Variants in NEB observed in about 807,000 individuals in gnomAD.
NEB encodes nemaline myopathy type 2.
In NEB, 512 loss-of-function variants were observed where a neutral mutation model predicts 952.2. That is an observed-to-expected ratio of 0.54 (90% CI 0.50 to 0.58). NEB has a LOEUF of 0.58. Among genes scored for constraint, NEB ranks in the 20% least tolerant of loss-of-function variants. The probability of loss-of-function intolerance (pLI) is 0.00; values close to 1 mark genes in which losing one functional copy is unlikely to be tolerated. For missense variants in NEB, 8,428 were observed against 9,231.1 expected, an observed-to-expected ratio of 0.91 and a Z score of 3.56; for synonymous variants, 2,900 against 3,149.8, an observed-to-expected ratio of 0.92 and a Z score of 2.66.
intron 47 of NEB, among the ~76,000 whole-genome samples, chr2:151,658,728 G>A (rs1217367724): frequency 1.3e-5 from 2 of 152,062 alleles, no homozygotes; most frequent in East Asian, 1.9e-4. Flanking sequence ...TTGATGGAAG[G>A]GCTGTCTAAG....
intron 63 of NEB, among the ~76,000 whole-genome samples, chr2:151,637,053 T>TG (rs1004904718): frequency 6.6e-6 from 1 of 152,176 alleles, no homozygotes; most frequent in African/African-American, 2.4e-5. Flanking sequence ...CCTGACCCTG[T>TG]GTCTCTGACT....
intron 39 of NEB, 148 bp downstream of exon 39, chr2:151,668,879 T>C: frequency 1.8e-6 from 1 of 553,166 alleles, no homozygotes; most frequent in Non-Finnish European, 3.1e-6. Flanking sequence ...TGCCGCCCCC[T>C]AGGCTCATGT....
At chr2:151,728,212 AT>A (rs1364710464) in intron 4 of NEB, among the ~76,000 whole-genome samples, 1 of 152,222 alleles carries the variant, frequency 6.6e-6, no homozygotes, top group African/African-American at 2.4e-5. Flanking sequence ...TGGGGGGGAA[AT>A]TGGCAATAAA....
chr2:151,657,135 G>T (rs1270915778), intron 48 of NEB, among the ~76,000 whole-genome samples: 2 of 152,108 alleles, frequency 1.3e-5, no homozygotes, highest in Non-Finnish European at 2.9e-5. Flanking sequence ...GTGCAAGTTG[G>T]GGGTAGAAGC....
At position 151,609,838 on chromosome 2, in the gene NEB, C is replaced by A. The variant is rs1413870559; in HGVS notation, c.12301G>T (p.Ala4101Ser). The change falls in exon 81 of 182, where the codon GCA (alanine) becomes TCA (serine). Residue 4101 changes from alanine (A) to serine (S), a missense_variant. Coordinates refer to ENST00000397345, the MANE Select transcript of NEB (RefSeq NM_001164508.2). ...CMPDQNDIIQ[A>S]KKAYDLQSDS... is the part of the protein sequence containing the mutation. ...CTCTGCAGGTCATAGGCCTTTTTTG[C>A]TTGGATAATGTCGTTTTGATCCGGC... 4 of 1,590,536 alleles carry A rather than the reference C, an allele frequency of 2.5e-6. No individual in the cohort carries two copies. Among genetic ancestry groups the A allele is most frequent in the South Asian group, 1.1e-5 (1 of 87,510 alleles).
At chr2:151,724,065 C>T (rs1203251853) in intron 8 of NEB, among the ~76,000 whole-genome samples, 195 bp downstream of exon 8, 3 of 152,114 alleles carry the variant, frequency 2.0e-5, no homozygotes, top group Non-Finnish European at 2.9e-5. Context: ...AGGACCCTCT[C>T]CCCACTCTGC....
intron 135 of NEB, among the ~76,000 whole-genome samples, chr2:151,545,638 C>A (rs1226825190): frequency 1.3e-5 from 2 of 151,804 alleles, no homozygotes; most frequent in Non-Finnish European, 2.9e-5. Context: ...CCCTCATCAG[C>A]CCTAGACATA....
chr2:151,630,599 G>A, intron 67 of NEB, 116 bp downstream of exon 67: 1 of 749,664 alleles, frequency 1.3e-6, no homozygotes, highest in East Asian at 2.8e-5. Flanking sequence ...GGTTGGATGA[G>A]TGGAGTGTTA....
intron 162 of NEB, 39 bp from the exon 163 acceptor site, chr2:151,507,052 ATTGCT>A (rs1289170191): frequency 8.0e-7 from 1 of 1,252,282 alleles, no homozygotes; most frequent in Non-Finnish European, 1.2e-6. Context: ...AGATTTCAAC[ATTGCT>A]TTGTTTTCTT....
chr2:151,724,778 T>C (rs1161822226), intron 7 of NEB, 79 bp downstream of exon 7: 11 of 1,201,118 alleles, frequency 9.2e-6, no homozygotes, highest in Non-Finnish European at 1.3e-5. Context: ...ATCAGGCCTG[T>C]CCAATTTTCT....
At chr2:151,731,973 C>T (rs1331260639) in intron 3 of NEB, among the ~76,000 whole-genome samples, 3 of 152,044 alleles carry the variant, frequency 2.0e-5, no homozygotes, top group Non-Finnish European at 2.9e-5. Context: ...TCTATTTTTT[C>T]CCTCATATCC....
At chr2:151,630,966 C>T (rs1448109153) in intron 66 of NEB, 147 bp from the exon 67 acceptor site, 3 of 1,167,818 alleles carry the variant, frequency 2.6e-6, no homozygotes, top group Non-Finnish European at 3.6e-6. Flanking sequence ...AGTCTTATTA[C>T]TAGTTATCAA....
At chr2:151,522,943 C>T (rs1353232791) in intron 153 of NEB, among the ~76,000 whole-genome samples, 1 of 152,176 alleles carries the variant, frequency 6.6e-6, no homozygotes, top group Admixed American at 6.5e-5. Flanking sequence ...CGGAGACCAG[C>T]CTTTCACAGG....
rs779481792 is a variant in NEB at position 151,659,073 on chromosome 2, T to C, written c.6067A>G (p.Met2023Val). 2.4e-5 allele frequency: 39 copies of C among 1,598,802 alleles called. No homozygotes were observed. Among genetic ancestry groups the C allele is most frequent in the Non-Finnish European group, 6.0e-6 (7 of 1,166,298 alleles). The change falls in exon 47 of 182, where the codon ATG (methionine) becomes GTG (valine). Residue 2023 changes from methionine to valine, a missense_variant. By Grantham distance (21) the Met-to-Val change is conservative. This residue lies in a region of NEB where 2,851 missense variants were observed against 2,791.5 expected (regional missense o/e 1.02). Coordinates refer to ENST00000397345, the MANE Select transcript of NEB (RefSeq NM_001164508.2). ...IILAKANAIN[M>V]SDKLYKLSLE... ...GGGGGAACTATACTTACATCACTCA[T>C]ATTAATTGCATTTGCCTTTGCCAAA...
At chr2:151,574,759 T>A (rs2096772467) in intron 107 of NEB, among the ~76,000 whole-genome samples, 1 of 151,744 alleles carries the variant, frequency 6.6e-6, no homozygotes, top group Non-Finnish European at 1.5e-5. Flanking sequence ...TGAGACAGGG[T>A]CTTGCCCTGT....
intron 177 of NEB, 38 bp downstream of exon 177, chr2:151,492,349 A>T (rs890252099): frequency 6.3e-7 from 1 of 1,589,402 alleles, no homozygotes; most frequent in South Asian, 1.1e-5. Context: ...ACACATTCTG[A>T]CAGGCAGCCA....
Position 151,697,533 on chromosome 2 carries a change from G to A in NEB, c.1257+11C>T. The A allele has an allele frequency of 6.2e-7, 1 of 1,610,116 alleles. No homozygotes were observed. The highest frequency in any genetic ancestry group is 8.5e-7 in the Non-Finnish European group (1 of 1,177,440). On this transcript the variant is annotated intron_variant, in intron 14 of 181. Transcript: ENST00000397345. ...TTTTTTAACAGAAAGAGTGACAGTA[G>A]GATTGCTTACATCACTACTGAAGTT...
rs546610700 is a variant in NEB at position 151,561,111 on chromosome 2, G to A, written c.19102-3C>T. The stretch of plus-strand genomic sequence containing the variant: ...TGATAATTTTCTTTATATTTTACCT[G>A]TAGACAAGCAACAATAGGTTATTCA... On this transcript the variant is annotated splice_region_variant and splice_polypyrimidine_tract_variant and intron_variant, in intron 122 of 181. Transcript: ENST00000397345. 4.5e-6 allele frequency: 7 copies of A among 1,570,860 alleles called. No individual in the cohort carries two copies. In the South Asian group the frequency reaches 8.0e-5, roughly 18 times the overall value.
chr2:151,733,121 C>T lies in NEB; in HGVS notation c.36G>A (p.Glu12=). The change falls in exon 3 of 182, where the codon GAG becomes GAA. Residue 12 remains glutamate, a splice_region_variant and synonymous_variant. Coordinates refer to ENST00000397345, the MANE Select transcript of NEB (RefSeq NM_001164508.2). The part of the protein sequence containing the change: ...ADDEDYEEVV[E]YYTEEVVYEE... ...TCAGTGTTTTTTTTTTAAATCTTACCTCCACCACCTCCTCATAGTCTTCGT... is the reference window on the plus strand; with the variant it reads ...TCAGTGTTTTTTTTTTAAATCTTACTTCCACCACCTCCTCATAGTCTTCGT... 1 of 1,601,612 alleles carries T rather than the reference C, an allele frequency of 6.2e-7. No individual in the cohort carries two copies. The highest frequency in any genetic ancestry group is 8.5e-7 in the Non-Finnish European group (1 of 1,174,314).
Sources: allele counts gnomAD v4.1 joint callset (sites outside exome capture counted in the v4.1 genomes callset), GRCh38; gene constraint gnomAD v4.1.1; regional missense constraint gnomAD v4.1.1; transcripts MANE v1.5; gene names NCBI Gene and HGNC (gene_info 2026-07-23, HGNC 2026-07-21).